FAM83B: variants seen among roughly 807,000 people sequenced by gnomAD.
FAM83B encodes protein FAM83B.
Under a neutral mutation model 38.8 loss-of-function variants are expected in FAM83B, and 26 were observed. The ratio of observed to expected loss-of-function variants is 0.67; its 90% CI spans 0.49 to 0.93. The LOEUF is 0.93. Ranked by LOEUF, FAM83B falls within the 40% of genes least tolerant of loss-of-function variation. The pLI, the probability that FAM83B is intolerant of heterozygous loss-of-function variation, is 0.00. For synonymous variants in FAM83B, 419 were observed against 423.1 expected, an observed-to-expected ratio of 0.99 and a Z score of 0.12; for missense variants, 1,237 against 1,197.3, an observed-to-expected ratio of 1.03 and a Z score of -0.49.
At position 54,941,728 on chromosome 6, in the gene FAM83B, G is replaced by A. The variant is rs746397400; in HGVS notation, c.2757G>A (p.Thr919=). Residue 919 remains threonine (T), a synonymous_variant, in exon 5 of 5, where the codon ACG becomes ACA. Transcript: ENST00000306858. The part of the protein sequence containing the change: ...ERRPTSSPRP[T]SSELLRSHST... ...GACCTACTTCTTCTCCAAGGCCAAC[G>A]TCCAGTGAGCTTCTACGATCTCATT... The A allele has an allele frequency of 1.2e-5, 19 of 1,613,962 alleles. No individual in the cohort carries two copies. Among genetic ancestry groups the A allele is most frequent in the African/African-American group, 4.0e-5 (3 of 74,918 alleles).
chr6:54,921,702 T>C (rs1264324990), intron 2 of FAM83B, among the ~76,000 whole-genome samples: 1 of 152,022 alleles, frequency 6.6e-6, no homozygotes, highest in Admixed American at 6.6e-5. Context: ...TATAATAGAT[T>C]GATGTACCTT....
intron 2 of FAM83B, among the ~76,000 whole-genome samples, chr6:54,920,019 A>G (rs909942779): frequency 6.6e-6 from 1 of 152,008 alleles, no homozygotes; most frequent in Non-Finnish European, 1.5e-5. Flanking sequence ...TATCTGAGAA[A>G]TTATTAATAC....
intron 2 of FAM83B, among the ~76,000 whole-genome samples, chr6:54,909,146 G>GT (rs78963236): frequency 0.31 from 46,610 of 151,920 alleles, 8,742 homozygotes; most frequent in East Asian, 0.8. Flanking sequence ...TAAGATTCAT[G>GT]TTTTTTACAT....
chr6:54,885,577 T>G (rs1390939659), intron 2 of FAM83B, among the ~76,000 whole-genome samples: 1 of 152,158 alleles, frequency 6.6e-6, no homozygotes, highest in Non-Finnish European at 1.5e-5. Flanking sequence ...TATTTTTCTC[T>G]TTTCCAACCC....
chr6:54,907,290 G>A (rs1772795284), intron 2 of FAM83B, among the ~76,000 whole-genome samples: 1 of 151,976 alleles, frequency 6.6e-6, no homozygotes, highest in Non-Finnish European at 1.5e-5. Context: ...TTAAGAATAT[G>A]CTATTTTTCG....
intron 2 of FAM83B, among the ~76,000 whole-genome samples, chr6:54,872,709 C>T (rs1022466770): frequency 6.6e-6 from 1 of 152,112 alleles, no homozygotes; most frequent in Non-Finnish European, 1.5e-5. Context: ...ATTTAATGAG[C>T]CTCTAAAAGT....
intron 2 of FAM83B, among the ~76,000 whole-genome samples, chr6:54,907,263 A>G (rs1772794669): frequency 6.6e-6 from 1 of 152,138 alleles, no homozygotes; most frequent in South Asian, 2.1e-4. Context: ...TTATTGTTTT[A>G]TTCAATCAAA....
At chr6:54,848,904 T>C (rs1423238360) in intron 1 of FAM83B, among the ~76,000 whole-genome samples, 1 of 152,314 alleles carries the variant, frequency 6.6e-6, no homozygotes, top group East Asian at 1.9e-4. Flanking sequence ...CTTGTTTATC[T>C]AGTTAGGTAA....
intron 1 of FAM83B, among the ~76,000 whole-genome samples, chr6:54,849,691 A>G (rs1480818194): frequency 1.4e-5 from 2 of 146,654 alleles, no homozygotes; most frequent in Admixed American, 6.9e-5. Flanking sequence ...CTCTGGGGAC[A>G]TCTAATTACT....
chr6:54,941,123 G>C lies in FAM83B; in HGVS notation c.2152G>C (p.Glu718Gln), dbSNP rs143165363. ...CATGCACAATGTGACTCATAACTTG[G>C]AGGAGGATGAGGAGGAAGTTACCAA... ...KSMHNVTHNL[E>Q]EDEEEVTKRN... is the part of the protein sequence containing the mutation. Residue 718 changes from glutamate to glutamine, a missense_variant, in exon 5 of 5, where the codon GAG becomes CAG. By Grantham distance (29) the Glu-to-Gln change is conservative. Transcript: ENST00000306858. 428 of 1,613,832 alleles carry C rather than the reference G, an allele frequency of 2.7e-4. 1 individual carries two copies. The highest frequency in any genetic ancestry group is 3.5e-4 in the Non-Finnish European group (411 of 1,179,956).
At chr6:54,926,575 G>A in intron 3 of FAM83B, 40 bp downstream of exon 3, 1 of 1,451,322 alleles carries the variant, frequency 6.9e-7, no homozygotes, top group Non-Finnish European at 9.2e-7. Context: ...TATTTTATGT[G>A]TCATTTTCAA....
Position 54,926,529 on chromosome 6 carries a change from T to C in FAM83B, c.603T>C (p.Arg201=), listed in dbSNP as rs1257824576. The stretch of plus-strand genomic sequence containing the variant: ...AGAAACAAGGTTGTTCAGTTCAGCG[T>C]CTCAGGGTAAGAATTCTGTTTTTTT... The part of the protein sequence containing the change: ...MTEKQGCSVQ[R]LRNIRVRTVK... Residue 201 remains arginine (R), a synonymous_variant, in exon 3 of 5, where the codon CGT becomes CGC. Transcript: ENST00000306858. 1.6e-5 allele frequency: 25 copies of C among 1,562,046 alleles called. No individual in the cohort carries two copies. Among genetic ancestry groups the C allele is most frequent in the Non-Finnish European group, 2.0e-5 (23 of 1,154,296 alleles).
chr6:54,918,815 C>T (rs1773103912), intron 2 of FAM83B, among the ~76,000 whole-genome samples: 1 of 152,136 alleles, frequency 6.6e-6, no homozygotes, highest in Admixed American at 6.5e-5. Flanking sequence ...TCTGGTTGAA[C>T]TAAATATGCT....
chr6:54,908,006 G>T (rs1286153122), intron 2 of FAM83B, among the ~76,000 whole-genome samples: 1 of 151,410 alleles, frequency 6.6e-6, no homozygotes, highest in African/African-American at 2.4e-5. Flanking sequence ...CTTATTTAAG[G>T]TTCTTCTTGG....
chr6:54,924,662 T>C (rs1024046549), intron 2 of FAM83B, among the ~76,000 whole-genome samples: 1 of 151,892 alleles, frequency 6.6e-6, no homozygotes, highest in Non-Finnish European at 1.5e-5. Context: ...TAACTTGGAG[T>C]GTACCAGGGC....
chr6:54,940,898 G>T lies in FAM83B; in HGVS notation c.1927G>T (p.Gly643Cys), dbSNP rs200286212. The T allele has an allele frequency of 2.5e-6, 4 of 1,613,442 alleles. No individual in the cohort carries two copies. Among genetic ancestry groups the T allele is most frequent in the Non-Finnish European group, 2.5e-6 (3 of 1,179,878 alleles). ...AAATAACTATATATATAAAACCTTG[G>T]GTGTAAATAAGCAGACAGAAAATCT... ...ESNNYIYKTL[G>C]VNKQTENLKN... The change falls in exon 5 of 5, where the codon GGT becomes TGT. Residue 643 changes from glycine (G) to cysteine (C), a missense_variant. Coordinates refer to ENST00000306858, the MANE Select transcript of FAM83B (RefSeq NM_001010872.3).
chr6:54,886,216 T>G (rs1371490852), intron 2 of FAM83B, among the ~76,000 whole-genome samples: 1 of 152,124 alleles, frequency 6.6e-6, no homozygotes, highest in Non-Finnish European at 1.5e-5. Context: ...TGTGTTTATG[T>G]TCAGAAGAAA....
At chr6:54,913,086 G>T (rs1230629304) in intron 2 of FAM83B, among the ~76,000 whole-genome samples, 1 of 151,884 alleles carries the variant, frequency 6.6e-6, no homozygotes, top group Admixed American at 6.6e-5. Context: ...TAGGTTAATT[G>T]TTTATACTTG....
intron 4 of FAM83B, 96 bp downstream of exon 4, chr6:54,927,728 TAAAAAAAAAAAAAA>T (rs1049777485): frequency 7.1e-5 from 7 of 99,136 alleles, no homozygotes; most frequent in Non-Finnish European, 1.1e-4. Context: ...TTCTTAAAAG[TAAAAAAAAAAAAAA>T]AAAAAAAAAA....
Sources: allele counts gnomAD v4.1 joint callset (sites outside exome capture counted in the v4.1 genomes callset), GRCh38; gene constraint gnomAD v4.1.1; transcripts MANE v1.5; gene names NCBI Gene and HGNC (gene_info 2026-07-23, HGNC 2026-07-21).